Variants in HERC6 observed in about 807,000 individuals in gnomAD.
HERC6 encodes HECT and RLD domain containing E3 ubiquitin protein ligase family member 6, also known as probable E3 ubiquitin-protein ligase HERC6.
In HERC6, 101 loss-of-function variants were observed where a neutral mutation model predicts 114.5. That is an observed-to-expected ratio of 0.88 (90% CI 0.75 to 1.04). HERC6 has a LOEUF of 1.04. Ranked by LOEUF, HERC6 falls within the 50% of genes least tolerant of loss-of-function variation. The probability of loss-of-function intolerance (pLI) is 0.00; values close to 1 mark genes in which losing one functional copy is unlikely to be tolerated. For synonymous variants in HERC6, 408 were observed against 436.2 expected, an observed-to-expected ratio of 0.94 and a Z score of 0.81; for missense variants, 1,133 against 1,230.9, an observed-to-expected ratio of 0.92 and a Z score of 1.19.
chr4:88,398,849 A>G (rs375894707), intron 8 of HERC6: 4 of 152,236 alleles, frequency 2.6e-5, no homozygotes. Context: ...TGCTCATATC[A>G]ACTCTCGTTG....
rs968716244 is a variant in HERC6 at position 88,428,560 on chromosome 4, T to C, written c.1936-20T>C. 5 of 1,558,274 alleles carry C rather than the reference T, an allele frequency of 3.2e-6. No individual in the cohort carries two copies. The highest frequency in any genetic ancestry group is 1.3e-5 in the South Asian group (1 of 79,726). ...TATGAGGTCAAAAGGAGAAGCCAAC[T>C]AAAAAATTTATTTTTCCAGATGTCA... On this transcript the variant is annotated intron_variant, in intron 15 of 22. Coordinates refer to ENST00000264346, the MANE Select transcript of HERC6 (RefSeq NM_017912.4).
rs1739447237 is a variant in HERC6, at chr4:88,442,553, G to A, written c.*93G>A. ...TAATACAAGAGATTAATGAATAGTG[G>A]TTAGAAGTAGTTGAGGGAGAGATTG... On this transcript the variant is annotated 3_prime_UTR_variant, in exon 23 of 23. Coordinates refer to ENST00000264346, the MANE Select transcript of HERC6 (RefSeq NM_017912.4). 2.1e-6 allele frequency: 2 copies of A among 945,034 alleles called. No individual in the cohort carries two copies. Among genetic ancestry groups the A allele is most frequent in the Non-Finnish European group, 1.6e-6 (1 of 612,128 alleles). The allele number at this position is 945,034 out of a possible 1,614,324, so 58.5% of individuals were successfully genotyped here. A position where few individuals can be genotyped will look rare whatever the true frequency, so the allele number is the denominator to read the frequency against.
intron 12 of HERC6, among the ~76,000 whole-genome samples, chr4:88,415,862 A>G (rs1193911854): frequency 2.6e-5 from 4 of 152,230 alleles, no homozygotes; most frequent in Non-Finnish European, 5.9e-5. Context: ...AGATGAGAGG[A>G]AACCTCAAAT....
At chr4:88,390,573 AT>A (rs1483538545) in intron 3 of HERC6, 78 bp from the exon 4 acceptor site, 5 of 1,277,306 alleles carry the variant, frequency 3.9e-6, no homozygotes, top group Non-Finnish European at 4.3e-6. Context: ...CACAAAAAAG[AT>A]TTGTAGAATT....
intron 20 of HERC6, among the ~76,000 whole-genome samples, chr4:88,438,550 G>T (rs1375303432): frequency 6.6e-6 from 1 of 152,062 alleles, no homozygotes; most frequent in African/African-American, 2.4e-5. Flanking sequence ...GGCCACAAAT[G>T]AATTATTATG....
At chr4:88,392,576 A>G (rs1734978219) in intron 4 of HERC6, among the ~76,000 whole-genome samples, 1 of 152,190 alleles carries the variant, frequency 6.6e-6, no homozygotes. Context: ...CAGAATCAAT[A>G]TGGAGTCACT....
At chr4:88,423,078 T>A (rs1269065156) in intron 13 of HERC6, among the ~76,000 whole-genome samples, 1 of 151,862 alleles carries the variant, frequency 6.6e-6, no homozygotes, top group African/African-American at 2.4e-5. Context: ...TTGTTTTTTT[T>A]AAAGTCTTAC....
At chr4:88,387,983 A>ACGTTTTG (rs1734674015) in intron 3 of HERC6, among the ~76,000 whole-genome samples, 1 of 152,248 alleles carries the variant, frequency 6.6e-6, no homozygotes, top group East Asian at 1.9e-4. Flanking sequence ...TGAGAGTTTA[A>ACGTTTTG]CGTTTTGCAT....
chr4:88,424,613 A>T lies in HERC6; in HGVS notation c.1846A>T (p.Ser616Cys). Reference sequence around the variant, plus strand: ...TTTTTAGATACCTGCAGAAACCCCCAGTCCTGTTATTTTCAGTGATTTTCC... The same window carrying T: ...TTTTTAGATACCTGCAGAAACCCCCTGTCCTGTTATTTTCAGTGATTTTCC... ...DNHLIPAETPSPVIFSDFPFI... is the reference protein window; with the variant it reads ...DNHLIPAETPCPVIFSDFPFI... Residue 616 changes from serine (S) to cysteine (C), a missense_variant, in exon 15 of 23, where the codon AGT becomes TGT. Physicochemically the swap from Ser to Cys is moderately radical, Grantham distance 112. Transcript: ENST00000264346. The T allele has an allele frequency of 1.2e-6, 2 of 1,608,606 alleles. No homozygotes were observed. Among genetic ancestry groups the T allele is most frequent in the Non-Finnish European group, 1.7e-6 (2 of 1,176,424 alleles).
At position 88,420,022 on chromosome 4, in the gene HERC6, GCT is replaced by G. The variant is rs372434354; in HGVS notation, c.1713+2457_1713+2458del. On this transcript the variant is annotated intron_variant, in intron 13 of 22. Coordinates refer to ENST00000264346, the MANE Select transcript of HERC6 (RefSeq NM_017912.4). ...TGTCTTCTCCTCTCCCTCTCCCTCT[GCT>G]CTCTCTCTCTCTCGGCTTTTTTCTT... Among the ~76,000 whole-genome samples the G allele has an allele frequency of 4.7e-5, 7 of 148,338 alleles. No homozygotes were observed. In the East Asian group the frequency reaches 7.9e-4, roughly 17 times the overall value.
At chr4:88,426,784 A>G (rs748278115) in intron 15 of HERC6, among the ~76,000 whole-genome samples, 13 of 152,196 alleles carry the variant, frequency 8.5e-5, no homozygotes, top group Non-Finnish European at 1.2e-4. Flanking sequence ...ACTAGTTACT[A>G]TTATTAGTGC....
chr4:88,399,312 A>G (rs555747363), intron 8 of HERC6: 2 of 152,282 alleles, frequency 1.3e-5, no homozygotes, highest in South Asian at 4.1e-4. Context: ...TATCATAGCC[A>G]TTCAATCAGC....
In HERC6 at chr4:88,390,720, C is replaced by T. The variant is rs1383083411; in HGVS notation, c.505C>T (p.Gln169Ter). 1.2e-6 allele frequency: 2 copies of T among 1,613,906 alleles called. No homozygotes were observed. The highest frequency in any genetic ancestry group is 3.3e-5 in the Admixed American group (2 of 60,000). The stretch of plus-strand genomic sequence containing the variant: ...GGGCTTGGGGAAGGAGTTCCCCTCC[C>T]AAGCCAGCCCGCAGAGGGTGAGGTC... ...QLGLGKEFPS[Q>*]ASPQRVRSLE... Residue 169 changes from glutamine to a stop codon, truncating the protein, a stop_gained, in exon 4 of 23, where the codon CAA becomes TAA. Transcript: ENST00000264346. LOFTEE classifies it high-confidence loss of function.
In HERC6 at chr4:88,428,769, T is replaced by C. The variant is rs200577754; in HGVS notation, c.2106+19T>C. On this transcript the variant is annotated intron_variant, in intron 16 of 22. Coordinates refer to ENST00000264346, the MANE Select transcript of HERC6 (RefSeq NM_017912.4). ...ATTAGTGGTACAGTAAAAAGTCTCA[T>C]TGAACATTTTTACTTCTGTGGGAGG... is the stretch of plus-strand genomic sequence containing the variant. 5,854 of 1,480,728 alleles carry C rather than the reference T, an allele frequency of 4.0e-3. 22 individuals are homozygous for C. Among genetic ancestry groups the C allele is most frequent in the Non-Finnish European group, 4.7e-3 (5,262 of 1,116,100 alleles). The allele number at this position is 1,480,728 out of a possible 1,614,324, so 91.7% of individuals were successfully genotyped here.
intron 17 of HERC6, among the ~76,000 whole-genome samples, chr4:88,431,663 T>C (rs1451845235): frequency 6.6e-6 from 1 of 152,250 alleles, no homozygotes; most frequent in Non-Finnish European, 1.5e-5. Context: ...GGTTCACACC[T>C]GTAATTCCAG....
chr4:88,399,502 G>A (rs1192733425), intron 8 of HERC6: 1 of 152,306 alleles, frequency 6.6e-6, no homozygotes, highest in East Asian at 1.9e-4. Flanking sequence ...CCGGCATGGT[G>A]GCTCACGCCT....
intron 12 of HERC6, among the ~76,000 whole-genome samples, chr4:88,416,673 T>C (rs1406600192): frequency 6.6e-6 from 1 of 152,110 alleles, no homozygotes; most frequent in East Asian, 1.9e-4. Flanking sequence ...CACTATTTTT[T>C]CTAGATCAGT....
intron 8 of HERC6, among the ~76,000 whole-genome samples, chr4:88,400,867 A>G (rs763730372): frequency 2.6e-5 from 4 of 152,106 alleles, no homozygotes; most frequent in South Asian, 2.1e-4. Context: ...AAAACAGTCA[A>G]TATGGAGTTT....
chr4:88,393,869 G>A (rs906086378), intron 5 of HERC6, among the ~76,000 whole-genome samples: 7 of 152,076 alleles, frequency 4.6e-5, no homozygotes, highest in Non-Finnish European at 8.8e-5. Context: ...GGGAGTGAGG[G>A]GTCCTTCCTG....
Sources: allele counts gnomAD v4.1 joint callset (sites outside exome capture counted in the v4.1 genomes callset), GRCh38; gene constraint gnomAD v4.1.1; transcripts MANE v1.5; gene names NCBI Gene and HGNC (gene_info 2026-07-23, HGNC 2026-07-21).